The following CNMD variants were observed in gnomAD, a reference collection of about 807,000 sequenced individuals.
The protein encoded by CNMD is chondromodulin.
In CNMD, 30 loss-of-function variants were observed where a neutral mutation model predicts 37.5. The observed-to-expected ratio is 0.80, with a 90% CI of 0.60 to 1.09. The LOEUF (loss-of-function observed/expected upper bound fraction) is 1.09. Among genes scored for constraint, CNMD ranks in the 50% least tolerant of loss-of-function variants. The pLI, the probability that CNMD is intolerant of heterozygous loss-of-function variation, is 0.00. For synonymous variants in CNMD, 167 were observed against 148.2 expected, an observed-to-expected ratio of 1.13 and a Z score of -0.92; for missense variants, 398 against 423.9, an observed-to-expected ratio of 0.94 and a Z score of 0.54.
chr13:52,726,336 T>C (rs1428014848), intron 3 of CNMD, among the ~76,000 whole-genome samples: 1 of 152,202 alleles, frequency 6.6e-6, no homozygotes, highest in Non-Finnish European at 1.5e-5. Context: ...ACAAAGCTTT[T>C]AAAGTGATGG....
intron 2 of CNMD, among the ~76,000 whole-genome samples, chr13:52,736,086 T>C (rs377031465): frequency 2.0e-5 from 3 of 151,116 alleles, no homozygotes; most frequent in East Asian, 3.9e-4. Context: ...CTCCGCCTCC[T>C]GGGTTCACAC....
At chr13:52,708,277 G>A (rs991499944) in intron 6 of CNMD, among the ~76,000 whole-genome samples, 2 of 151,604 alleles carry the variant, frequency 1.3e-5, no homozygotes, top group Non-Finnish European at 2.9e-5. Flanking sequence ...CATCTCCTGT[G>A]TTCAAGCGAT....
intron 2 of CNMD, among the ~76,000 whole-genome samples, chr13:52,734,571 CT>C (rs918574042): frequency 4.6e-4 from 67 of 145,514 alleles, no homozygotes; most frequent in African/African-American, 8.6e-4. Context: ...AGGTGGGTTT[CT>C]TTTTTTTTTG....
rs2147692 is a variant in CNMD at position 52,712,888 on chromosome 13, G to C, written c.469-19C>G. 0.38 allele frequency: 569,853 copies of C among 1,516,126 alleles called. 111,467 individuals are homozygous for C. The highest frequency in any genetic ancestry group is 0.4 in the Non-Finnish European group (450,356 of 1,129,872). The allele number at this position is 1,516,126 out of a possible 1,614,324, so 93.9% of individuals were successfully genotyped here. ...TGCCTTCCTGAAAGTAAAAACGATT[G>C]CATTTGAGCAAAGAGGACAGTGAAA... On this transcript the variant is annotated intron_variant, in intron 4 of 6. Transcript: ENST00000377962.
At chr13:52,720,921 G>T (rs1282889052) in intron 4 of CNMD, among the ~76,000 whole-genome samples, 1 of 152,202 alleles carries the variant, frequency 6.6e-6, no homozygotes, top group Non-Finnish European at 1.5e-5. Flanking sequence ...CTTCCCCCAG[G>T]TGCTCTGTCC....
At chr13:52,725,815 A>G (rs1964562194) in intron 3 of CNMD, among the ~76,000 whole-genome samples, 1 of 152,204 alleles carries the variant, frequency 6.6e-6, no homozygotes, top group Admixed American at 6.5e-5. Flanking sequence ...TCCTGGCTCA[A>G]GATTCAGCCC....
chr13:52,716,800 C>A (rs1280918886), intron 4 of CNMD, among the ~76,000 whole-genome samples: 1 of 152,098 alleles, frequency 6.6e-6, no homozygotes, highest in East Asian at 1.9e-4. Context: ...CAGCTTTGTT[C>A]TTTTTGCATA....
At chr13:52,722,969 T>G (rs1964507658) in intron 4 of CNMD, among the ~76,000 whole-genome samples, 1 of 152,162 alleles carries the variant, frequency 6.6e-6, no homozygotes, top group African/African-American at 2.4e-5. Flanking sequence ...TGGCTGGTGT[T>G]GGGGTGGGGG....
intron 5 of CNMD, 133 bp downstream of exon 5, chr13:52,712,583 A>T: frequency 1.9e-6 from 1 of 514,990 alleles, no homozygotes; most frequent in Non-Finnish European, 3.3e-6. Flanking sequence ...CATGCTAATT[A>T]CTGAGACACT....
intron 3 of CNMD, among the ~76,000 whole-genome samples, chr13:52,731,258 C>T (rs1964661623): frequency 6.6e-6 from 1 of 152,200 alleles, no homozygotes; most frequent in African/African-American, 2.4e-5. Flanking sequence ...GTGTGTACGT[C>T]TGCCTCCTGA....
intron 3 of CNMD, among the ~76,000 whole-genome samples, chr13:52,728,457 TC>T (rs1964611458): frequency 6.6e-6 from 1 of 152,106 alleles, no homozygotes; most frequent in South Asian, 2.1e-4. Flanking sequence ...ATTCAGTAGG[TC>T]TGGGGTGGGG....
chr13:52,735,996 ATT>A (rs59060322), intron 2 of CNMD, among the ~76,000 whole-genome samples: 6 of 133,148 alleles, frequency 4.5e-5, no homozygotes, highest in East Asian at 2.2e-4. Flanking sequence ...CGCCCAGCTA[ATT>A]TTTTTTTTTT....
intron 2 of CNMD, among the ~76,000 whole-genome samples, chr13:52,738,228 A>G (rs1285869123): frequency 6.6e-6 from 1 of 152,228 alleles, no homozygotes; most frequent in Non-Finnish European, 1.5e-5. Flanking sequence ...AGTGGTCATC[A>G]AGATAAAATG....
chr13:52,707,186 G>A (rs781438912), intron 6 of CNMD, among the ~76,000 whole-genome samples: 1 of 152,048 alleles, frequency 6.6e-6, no homozygotes, highest in Non-Finnish European at 1.5e-5. Context: ...GAGCCACCGC[G>A]CCCAGCCTGT....
In CNMD at chr13:52,738,993, C is replaced by A. The variant is rs754719426; in HGVS notation, c.213+38G>T. The A allele has an allele frequency of 3.3e-6, 5 of 1,524,516 alleles. No homozygotes were observed. The South Asian group carries it at 3.7e-5, about 11-fold the overall frequency. The allele number at this position is 1,524,516 out of a possible 1,614,324, so 94.4% of individuals were successfully genotyped here. A position where few individuals can be genotyped will look rare whatever the true frequency, so the allele number is the denominator to read the frequency against. On this transcript the variant is annotated intron_variant, in intron 2 of 6. Transcript: ENST00000377962. ...GGGCTCCCCCTAGGGGCACCATGGGCGACACGGGGGTCCCCGCGCGCCGCC... is the reference window on the plus strand; with the variant it reads ...GGGCTCCCCCTAGGGGCACCATGGGAGACACGGGGGTCCCCGCGCGCCGCC...
At chr13:52,726,918 G>C (rs1194099021) in intron 3 of CNMD, among the ~76,000 whole-genome samples, 1 of 152,100 alleles carries the variant, frequency 6.6e-6, no homozygotes, top group Admixed American at 6.6e-5. Context: ...GAACGAAATA[G>C]AAATTATAGA....
At chr13:52,710,952 G>A (rs1172988125) in intron 5 of CNMD, among the ~76,000 whole-genome samples, 1 of 152,110 alleles carries the variant, frequency 6.6e-6, no homozygotes, top group Non-Finnish European at 1.5e-5. Flanking sequence ...GCTGTGTTCC[G>A]ATCTCTAGTG....
chr13:52,723,321 G>C (rs1208284417), intron 4 of CNMD, among the ~76,000 whole-genome samples: 1 of 152,054 alleles, frequency 6.6e-6, no homozygotes, highest in Admixed American at 6.6e-5. Flanking sequence ...TGGAATTCCT[G>C]GGCTTAAATG....
intron 5 of CNMD, among the ~76,000 whole-genome samples, chr13:52,709,171 T>C (rs1964248958): frequency 6.6e-6 from 1 of 152,338 alleles, no homozygotes; most frequent in East Asian, 1.9e-4. Flanking sequence ...TGTCTTGTTT[T>C]TCCTTTCTTG....
Sources: allele counts gnomAD v4.1 joint callset (sites outside exome capture counted in the v4.1 genomes callset), GRCh38; gene constraint gnomAD v4.1.1; transcripts MANE v1.5; gene names NCBI Gene and HGNC (gene_info 2026-07-23, HGNC 2026-07-21).